Variants in CTNND2 observed in about 807,000 individuals in gnomAD.
CTNND2 encodes the protein catenin delta 2, also known as catenin delta-2.
A neutral mutation model predicts 144.4 loss-of-function variants in CTNND2; 22 were observed. That is an observed-to-expected ratio of 0.15 (90% CI 0.11 to 0.22). The LOEUF (loss-of-function observed/expected upper bound fraction) is 0.22, where lower values mean the gene tolerates loss of function less well. CTNND2 is among the 10% of genes least tolerant of loss of function. CTNND2 has a pLI of 1.00. For synonymous variants in CTNND2, 751 were observed against 695.6 expected, an observed-to-expected ratio of 1.08 and a Z score of -1.25; for missense variants, 1,353 against 1,618.8, an observed-to-expected ratio of 0.84 and a Z score of 2.82.
At chr5:11,464,008 T>A (rs1766447820) in intron 3 of CTNND2, among the ~76,000 whole-genome samples, 1 of 152,244 alleles carries the variant, frequency 6.6e-6, no homozygotes, top group African/African-American at 2.4e-5. Flanking sequence ...TTAACTCCTG[T>A]TAATTGATGA....
At chr5:11,861,980 T>C (rs1263668279) in intron 1 of CTNND2, among the ~76,000 whole-genome samples, 1 of 152,194 alleles carries the variant, frequency 6.6e-6, no homozygotes, top group South Asian at 2.1e-4. Context: ...TATTTATTAA[T>C]AGAACTTCCA....
intron 3 of CTNND2, among the ~76,000 whole-genome samples, chr5:11,502,653 C>T (rs544047572): frequency 1.3e-5 from 2 of 152,236 alleles, no homozygotes; most frequent in South Asian, 4.2e-4. Flanking sequence ...TCATAACAAT[C>T]ACCACAAAGA....
At chr5:11,809,536 T>C (rs1347348181) in intron 1 of CTNND2, among the ~76,000 whole-genome samples, 1 of 152,172 alleles carries the variant, frequency 6.6e-6, no homozygotes, top group Non-Finnish European at 1.5e-5. Context: ...GAGTAAGTCA[T>C]GGTGGAAATT....
At chr5:11,805,243 C>A (rs1021000440) in intron 1 of CTNND2, among the ~76,000 whole-genome samples, 1 of 152,084 alleles carries the variant, frequency 6.6e-6, no homozygotes, top group Non-Finnish European at 1.5e-5. Flanking sequence ...TGATATATAG[C>A]TTTGTACAGA....
intron 2 of CTNND2, among the ~76,000 whole-genome samples, chr5:11,635,477 A>G (rs116023731): frequency 0.014 from 2,142 of 152,258 alleles, 55 homozygotes; most frequent in African/African-American, 0.049. Flanking sequence ...CGAATGGATG[A>G]ACATTGATAA....
At chr5:11,679,611 G>C (rs992826767) in intron 2 of CTNND2, among the ~76,000 whole-genome samples, 2 of 152,172 alleles carry the variant, frequency 1.3e-5, no homozygotes, top group African/African-American at 4.8e-5. Flanking sequence ...TTCATTGGCT[G>C]CAATCAAGTG....
intron 3 of CTNND2, among the ~76,000 whole-genome samples, chr5:11,444,572 C>T (rs1764638219): frequency 2.0e-5 from 3 of 152,230 alleles, no homozygotes; most frequent in Middle Eastern, 3.4e-3. Context: ...TGTGGTGGTT[C>T]ACATCTGTAA....
At chr5:11,611,978 A>C (rs954123449) in intron 2 of CTNND2, among the ~76,000 whole-genome samples, 1 of 152,186 alleles carries the variant, frequency 6.6e-6, no homozygotes, top group Middle Eastern at 3.2e-3. Flanking sequence ...TAATACAAAT[A>C]AGTGATCAAG....
intron 1 of CTNND2, among the ~76,000 whole-genome samples, chr5:11,760,700 G>A (rs1004854001): frequency 3.9e-5 from 6 of 152,074 alleles, no homozygotes; most frequent in Non-Finnish European, 7.4e-5. Context: ...ATGTTATTAC[G>A]AGCAGACTCA....
chr5:11,131,903 T>C lies in CTNND2; in HGVS notation c.2160-14336A>G, dbSNP rs554875536. Among the ~76,000 whole-genome samples, 47 of 152,362 alleles carry C rather than the reference T, an allele frequency of 3.1e-4. No homozygotes were observed. In the South Asian group the frequency reaches 6.0e-3, roughly 19 times the overall value. ...TGCAGGATATTTTAACAAATCGTAC[T>C]TCAAAGACTTATTAAAGCTGAGAAT... is the stretch of plus-strand genomic sequence containing the variant. On this transcript the variant is annotated intron_variant, in intron 12 of 21. Coordinates refer to ENST00000304623, the MANE Select transcript of CTNND2 (RefSeq NM_001332.4).
At chr5:11,732,107 G>A (rs199752358) in intron 2 of CTNND2, 29 bp downstream of exon 2, 68 of 1,594,794 alleles carry the variant, frequency 4.3e-5, no homozygotes, top group African/African-American at 8.1e-5. Flanking sequence ...GTCCCCAAAC[G>A]CATATCACAA....
intron 12 of CTNND2, among the ~76,000 whole-genome samples, chr5:11,124,060 T>C (rs1754411469): frequency 1.3e-5 from 2 of 152,220 alleles, no homozygotes; most frequent in Non-Finnish European, 2.9e-5. Context: ...TCTTAATTTT[T>C]TGACCATGTA....
intron 8 of CTNND2, among the ~76,000 whole-genome samples, chr5:11,361,829 A>G (rs1472159356): frequency 6.6e-6 from 1 of 152,126 alleles, no homozygotes; most frequent in African/African-American, 2.4e-5. Context: ...AGGCATGTCT[A>G]CTTTTCTTCA....
intron 12 of CTNND2, among the ~76,000 whole-genome samples, chr5:11,132,433 C>A (rs1189936909): frequency 6.6e-6 from 1 of 152,118 alleles, no homozygotes; most frequent in Non-Finnish European, 1.5e-5. Flanking sequence ...AGGATGAGAA[C>A]CTTCTTGAAT....
chr5:11,423,935 A>G (rs1324025288), intron 3 of CTNND2, among the ~76,000 whole-genome samples: 1 of 152,186 alleles, frequency 6.6e-6, no homozygotes, highest in Admixed American at 6.5e-5. Flanking sequence ...TGTAAAAAAT[A>G]AGTTTCAATC....
At chr5:11,617,734 T>TG (rs1780645590) in intron 2 of CTNND2, among the ~76,000 whole-genome samples, 1 of 152,192 alleles carries the variant, frequency 6.6e-6, no homozygotes, top group African/African-American at 2.4e-5. Context: ...GGGCACACAC[T>TG]GGGTCAAAGT....
chr5:10,981,053 A>AAAT (rs1356941269), intron 21 of CTNND2, among the ~76,000 whole-genome samples: 28 of 151,998 alleles, frequency 1.8e-4, no homozygotes, highest in African/African-American at 5.6e-4. Context: ...AATAAAAATA[A>AAAT]AATAATAATA....
chr5:11,236,313 T>G (rs1408167473), intron 10 of CTNND2, among the ~76,000 whole-genome samples: 1 of 152,228 alleles, frequency 6.6e-6, no homozygotes, highest in African/African-American at 2.4e-5. Flanking sequence ...TATAACAATT[T>G]TATTGTAATT....
In CTNND2 at chr5:10,973,810, G is replaced by T; in HGVS notation, c.3418-97C>A. The stretch of plus-strand genomic sequence containing the variant: ...CCAACTCTCCTTCAAAGAATAGGCT[G>T]TGTATATCCAGGCATTCACCACTGT... On this transcript the variant is annotated intron_variant, in intron 21 of 21. Transcript: ENST00000304623. The surrounding 1 kb of genome is among the most constrained non-coding windows in gnomAD (Gnocchi z 5.6). The T allele has an allele frequency of 7.3e-7, 1 of 1,371,754 alleles. No individual in the cohort carries two copies. Among genetic ancestry groups the T allele is most frequent in the Non-Finnish European group, 9.8e-7 (1 of 1,024,064 alleles). The allele number at this position is 1,371,754 out of a possible 1,614,324, so 85.0% of individuals were successfully genotyped here. A position where few individuals can be genotyped will look rare whatever the true frequency, so the allele number is the denominator to read the frequency against.
Sources: allele counts gnomAD v4.1 joint callset (sites outside exome capture counted in the v4.1 genomes callset), GRCh38; gene constraint gnomAD v4.1.1; non-coding constraint Gnocchi (gnomAD v3.1); transcripts MANE v1.5; gene names NCBI Gene and HGNC (gene_info 2026-07-23, HGNC 2026-07-21).